Variants in STRBP observed in about 807,000 individuals in gnomAD.
STRBP encodes the protein spermatid perinuclear RNA-binding protein.
Under a neutral mutation model 80.1 loss-of-function variants are expected in STRBP, and 13 were observed. The ratio of observed to expected loss-of-function variants is 0.16; its 90% CI spans 0.11 to 0.26. STRBP has a LOEUF of 0.26. Among genes scored for constraint, STRBP ranks in the 10% least tolerant of loss-of-function variants. The probability of loss-of-function intolerance (pLI) is 1.00; values close to 1 mark genes in which losing one functional copy is unlikely to be tolerated. For synonymous variants in STRBP, 284 were observed against 291.2 expected (o/e 0.98, Z 0.25); for missense variants, 485 against 815.2 (o/e 0.59, Z 4.93).
rs889976871 is a variant in STRBP, at chr9:123,123,082, T to C, written c.*2515A>G. The C allele has an allele frequency of 1.0e-5, 10 of 985,348 alleles. No homozygotes were observed. Among genetic ancestry groups the C allele is most frequent in the African/African-American group, 5.2e-5 (3 of 57,320 alleles). The allele number at this position is 985,348 out of a possible 1,614,324, so 61.0% of individuals were successfully genotyped here. ...TCACATTGCTCTTAAGACCAAGACATAGAAATTGCCATTTCAAGCCAGACA... is the reference window on the plus strand; with the variant it reads ...TCACATTGCTCTTAAGACCAAGACACAGAAATTGCCATTTCAAGCCAGACA... On this transcript the variant is annotated 3_prime_UTR_variant, in exon 19 of 19. Transcript: ENST00000348403.
chr9:123,123,232 C>T lies in STRBP; in HGVS notation c.*2365G>A. The T allele has an allele frequency of 1.0e-6, 1 of 985,352 alleles. No individual in the cohort carries two copies. The highest frequency in any genetic ancestry group is 1.2e-6 in the Non-Finnish European group (1 of 829,924). 61.0% of individuals were successfully genotyped at this position (985,352 alleles called of 1,614,324 possible). ...AAACCACCTACAGTGGAGAAAAGAG[C>T]AGAGAAGCAAAACTTCATGTTAATC... On this transcript the variant is annotated 3_prime_UTR_variant, in exon 19 of 19. Coordinates refer to ENST00000348403, the MANE Select transcript of STRBP (RefSeq NM_018387.5).
intron 11 of STRBP, among the ~76,000 whole-genome samples, chr9:123,156,528 T>G (rs779005796): frequency 1.3e-5 from 2 of 152,032 alleles, no homozygotes; most frequent in Admixed American, 1.3e-4. Context: ...TCTGTCAATA[T>G]TGAGCATATT....
intron 2 of STRBP, among the ~76,000 whole-genome samples, chr9:123,210,010 G>A (rs2132530544): frequency 6.6e-6 from 1 of 152,270 alleles, no homozygotes; most frequent in East Asian, 1.9e-4. Context: ...AAAAACAAAT[G>A]TGAATCTAGC....
At chr9:123,247,590 G>T (rs1340652636) in intron 1 of STRBP, among the ~76,000 whole-genome samples, 1 of 152,086 alleles carries the variant, frequency 6.6e-6, no homozygotes, top group Non-Finnish European at 1.5e-5. Flanking sequence ...CTTTTAACTA[G>T]TAAGCACCCT....
At chr9:123,233,223 C>T (rs1253771916) in intron 2 of STRBP, among the ~76,000 whole-genome samples, 2 of 152,126 alleles carry the variant, frequency 1.3e-5, no homozygotes, top group Non-Finnish European at 2.9e-5. Context: ...CAGGCGCATA[C>T]CACCACATCT....
chr9:123,179,273 C>T (rs765397779), intron 3 of STRBP, 46 bp from the exon 4 acceptor site: 1 of 1,517,874 alleles, frequency 6.6e-7, no homozygotes, highest in Non-Finnish European at 9.0e-7. Flanking sequence ...AAAGAAACAT[C>T]ACCTGAAAAA....
chr9:123,202,580 A>T (rs1022330504), intron 2 of STRBP, among the ~76,000 whole-genome samples: 46 of 152,318 alleles, frequency 3.0e-4, no homozygotes, highest in Non-Finnish European at 5.1e-4. Flanking sequence ...GTCTGCTGTT[A>T]CTTTGATAGG....
chr9:123,147,559 C>CCTTCAACCTCAG (rs1293920397), intron 12 of STRBP, among the ~76,000 whole-genome samples: 5 of 151,704 alleles, frequency 3.3e-5, no homozygotes, highest in Non-Finnish European at 7.4e-5. Flanking sequence ...CACCTGTGAT[C>CCTTCAACCTCAG]CCTACTATTT....
At position 123,123,753 on chromosome 9, in the gene STRBP, A is replaced by G. The variant is rs1411853581; in HGVS notation, c.*1844T>C. On this transcript the variant is annotated 3_prime_UTR_variant, in exon 19 of 19. Coordinates refer to ENST00000348403, the MANE Select transcript of STRBP (RefSeq NM_018387.5). ...ACAATACAGCCGCAGCTGCCAATTA[A>G]TAGTATTCCAAAGACAATGAGGACT... 1 of 985,348 alleles carries G rather than the reference A, an allele frequency of 1.0e-6. No homozygotes were observed. The highest frequency in any genetic ancestry group is 1.7e-5 in the African/African-American group (1 of 57,256). 61.0% of individuals were successfully genotyped at this position (985,348 alleles called of 1,614,324 possible).
downstream of STRBP, chr9:123,121,580 T>G (rs527636340): frequency 6.6e-6 from 1 of 152,044 alleles, no homozygotes; most frequent in Non-Finnish European, 1.5e-5. Flanking sequence ...CAGTCAATTA[T>G]ATACTTTTCC....
intron 2 of STRBP, among the ~76,000 whole-genome samples, chr9:123,224,621 G>C (rs994127756): frequency 6.6e-6 from 1 of 152,132 alleles, no homozygotes; most frequent in Non-Finnish European, 1.5e-5. Flanking sequence ...CCACCTCAAA[G>C]AGTTAATAAC....
At chr9:123,176,189 C>T (rs958860168) in intron 4 of STRBP, among the ~76,000 whole-genome samples, 2 of 152,182 alleles carry the variant, frequency 1.3e-5, no homozygotes, top group Non-Finnish European at 2.9e-5. Flanking sequence ...ATACCTAGAT[C>T]GGTGCTGAGA....
intron 2 of STRBP, among the ~76,000 whole-genome samples, chr9:123,195,793 A>C (rs894889278): frequency 6.6e-6 from 1 of 152,216 alleles, no homozygotes; most frequent in Non-Finnish European, 1.5e-5. Context: ...TACAGGTTCA[A>C]TGCAATCTCT....
intron 1 of STRBP, among the ~76,000 whole-genome samples, chr9:123,252,353 A>G (rs2040935902): frequency 6.6e-6 from 1 of 152,250 alleles, no homozygotes; most frequent in Admixed American, 6.5e-5. Context: ...GAGCTGTAAC[A>G]TAAGATATTC....
intron 4 of STRBP, among the ~76,000 whole-genome samples, chr9:123,178,054 T>C (rs11999886): frequency 0.014 from 2,174 of 152,290 alleles, 55 homozygotes; most frequent in African/African-American, 0.049. Context: ...AAACTGCCTG[T>C]AAATAGTTTA....
chr9:123,236,413 C>T lies in STRBP; in HGVS notation c.-165+417G>A, dbSNP rs746063759. 4.6e-5 allele frequency among the ~76,000 whole-genome samples: 7 copies of T among 152,170 alleles called. No individual in the cohort carries two copies. In the East Asian group the frequency reaches 7.7e-4, roughly 17 times the overall value. ...TAAAGAGAGTAAAATCTCTGCTACC[C>T]GGTATTACATAAACTGACATATCTA... On this transcript the variant is annotated intron_variant, in intron 2 of 18. Coordinates refer to ENST00000348403, the MANE Select transcript of STRBP (RefSeq NM_018387.5).
intron 14 of STRBP, among the ~76,000 whole-genome samples, 191 bp downstream of exon 14, chr9:123,139,337 AG>A (rs1357546020): frequency 2.0e-5 from 3 of 152,260 alleles, no homozygotes; most frequent in Non-Finnish European, 2.9e-5. Flanking sequence ...CTGCATGAAA[AG>A]ATGACTGCCT....
intron 2 of STRBP, among the ~76,000 whole-genome samples, chr9:123,228,489 C>A (rs2040308297): frequency 6.6e-6 from 1 of 152,126 alleles, no homozygotes; most frequent in Non-Finnish European, 1.5e-5. Context: ...GAGCTGCACA[C>A]AACATGCAGT....
intron 2 of STRBP, among the ~76,000 whole-genome samples, chr9:123,216,241 T>C (rs1564309132): frequency 2.0e-5 from 3 of 152,186 alleles, no homozygotes; most frequent in South Asian, 2.1e-4. Context: ...TTTTGCCCTA[T>C]GTTTTACCAC....
Sources: gnomAD v4.1 joint callset for allele counts (sites outside exome capture counted in the v4.1 genomes callset) on GRCh38, gnomAD v4.1.1 for gene constraint, MANE v1.5 for transcripts, NCBI Gene and HGNC (gene_info 2026-07-23, HGNC 2026-07-21) for gene names.